SLITRK2: variants seen among roughly 807,000 people sequenced by gnomAD.
SLITRK2 encodes the protein SLIT and NTRK-like protein 2.
SLITRK2 carries 13 observed loss-of-function variants against 35.4 expected under a neutral mutation model. The ratio of observed to expected loss-of-function variants is 0.37; its 90% CI spans 0.24 to 0.58. The LOEUF is 0.58. Ranked by LOEUF, SLITRK2 falls within the 20% of genes least tolerant of loss-of-function variation. The pLI, the probability that SLITRK2 is intolerant of heterozygous loss-of-function variation, is 0.75. For missense variants in SLITRK2, 471 were observed against 634.3 expected, an observed-to-expected ratio of 0.74 and a Z score of 2.76; for synonymous variants, 294 against 264.7, an observed-to-expected ratio of 1.11 and a Z score of -1.07.
chrX:145,824,156 C>A lies in SLITRK2; in HGVS notation c.1731C>A (p.Ile577=), dbSNP rs2073075840. The A allele has an allele frequency of 2.5e-6, 3 of 1,207,399 alleles. No individual in the cohort carries two copies. The highest frequency in any genetic ancestry group is 3.4e-6 in the Non-Finnish European group (3 of 894,156). The change falls in exon 5 of 5, where the codon ATC becomes ATA. Residue 577 remains isoleucine (I), a synonymous_variant. Coordinates refer to ENST00000335565, the MANE Select transcript of SLITRK2 (RefSeq NM_032539.5). ...EILKFLGREA[I]CPDSPNLSDG... Reference sequence around the variant, plus strand: ...TAAAATTTCTGGGGAGGGAGGCTATCTGTCCAGACAGCCCAAACTTGTCAG... The same window carrying A: ...TAAAATTTCTGGGGAGGGAGGCTATATGTCCAGACAGCCCAAACTTGTCAG...
intron 1 of SLITRK2, chrX:145,818,441 G>A (rs1318064119): frequency 1.8e-5 from 2 of 113,321 alleles, no homozygotes; most frequent in Non-Finnish European, 3.7e-5. Flanking sequence ...GTAGGGCTGC[G>A]CTGGCGGCCG....
Position 145,825,136 on chromosome X carries a change from T to A in SLITRK2, c.*173T>A. 1 of 430,297 alleles carries A rather than the reference T, an allele frequency of 2.3e-6. No homozygotes were observed. Among genetic ancestry groups the A allele is most frequent in the Non-Finnish European group, 3.7e-6 (1 of 270,115 alleles). 35.5% of individuals were successfully genotyped at this position (430,297 alleles called of 1,213,427 possible). ...ATGATTTTGCTTTTGCAAGTTTTCC[T>A]TTAAATTATTTCTCTCTCGCTCTCC... On this transcript the variant is annotated 3_prime_UTR_variant, in exon 5 of 5. Coordinates refer to ENST00000335565, the MANE Select transcript of SLITRK2 (RefSeq NM_032539.5).
rs2124159622 is a variant in SLITRK2, at chrX:145,822,901, A to G, written c.476A>G (p.Lys159Arg). 8.3e-7 allele frequency: 1 copy of G among 1,211,365 alleles called. No homozygotes were observed. Among genetic ancestry groups the G allele is most frequent in the Non-Finnish European group, 1.1e-6 (1 of 895,440 alleles). ...IEAGAFSKLN[K>R]LKVLILNDNL... Reference sequence around the variant, plus strand: ...GCTGGGGCATTCAGCAAACTTAACAAGCTCAAAGTGCTCATCCTGAATGAC... The same window carrying G: ...GCTGGGGCATTCAGCAAACTTAACAGGCTCAAAGTGCTCATCCTGAATGAC... The change falls in exon 5 of 5, where the codon AAG becomes AGG. Residue 159 changes from lysine to arginine, a missense_variant. Coordinates refer to ENST00000335565, the MANE Select transcript of SLITRK2 (RefSeq NM_032539.5).
At position 145,827,729 on chromosome X, in the gene SLITRK2, C is replaced by T. The variant is rs1006338948; in HGVS notation, c.*2766C>T. The T allele has an allele frequency of 1.7e-6, 2 of 1,188,889 alleles. No homozygotes were observed. Among genetic ancestry groups the T allele is most frequent in the East Asian group, 5.9e-5 (2 of 33,664 alleles). On this transcript the variant is annotated 3_prime_UTR_variant, in exon 5 of 5. Transcript: ENST00000335565. ...ATCATCATACATCATATACTTTGAA[C>T]CTTTATTTTCTAATGCAATCATAAA...
rs2124192035 is a variant in SLITRK2, at chrX:145,824,081, C to T, written c.1656C>T (p.Ile552=). The T allele has an allele frequency of 8.3e-7, 1 of 1,211,008 alleles. No homozygotes were observed. Among genetic ancestry groups the T allele is most frequent in the Non-Finnish European group, 1.1e-6 (1 of 895,208 alleles). Residue 552 remains isoleucine (I), a synonymous_variant, in exon 5 of 5, where the codon ATC becomes ATT. Coordinates refer to ENST00000335565, the MANE Select transcript of SLITRK2 (RefSeq NM_032539.5). Reference sequence around the variant, plus strand: ...CAGAACATGCCAATTCCCCTGTCATCATTAATGAGGTGACTTGCGAATCTC... The same window carrying T: ...CAGAACATGCCAATTCCCCTGTCATTATTAATGAGGTGACTTGCGAATCTC... ...DWTEHANSPV[I]INEVTCESPA...
Position 145,825,906 on chromosome X carries a change from G to A in SLITRK2, c.*943G>A, listed in dbSNP as rs1556945788. 1 of 120,467 alleles carries A rather than the reference G, an allele frequency of 8.3e-6. No individual in the cohort carries two copies. The highest frequency in any genetic ancestry group is 3.3e-5 in the African/African-American group (1 of 30,725). 9.9% of individuals were successfully genotyped at this position (120,467 alleles called of 1,213,427 possible). ...TCATTATTTTACACTAACATGGTGA[G>A]TGTTTTAGATTATTTTCCTAATTAA... is the stretch of plus-strand genomic sequence containing the variant. On this transcript the variant is annotated 3_prime_UTR_variant, in exon 5 of 5. Transcript: ENST00000335565.
rs995504753 is a variant in SLITRK2, at chrX:145,822,216, C to T, written c.-44+63C>T. On this transcript the variant is annotated intron_variant, in intron 4 of 4. Transcript: ENST00000335565. ...GGCCTCGGGATGGGGGAATAGGGAGCGGAGAAAAGAAACCGCTTTGGAAAA... is the reference window on the plus strand; with the variant it reads ...GGCCTCGGGATGGGGGAATAGGGAGTGGAGAAAAGAAACCGCTTTGGAAAA... 61 of 400,065 alleles carry T rather than the reference C, an allele frequency of 1.5e-4. No individual in the cohort carries two copies. The South Asian group carries it at 1.6e-3, about 11-fold the overall frequency. The allele number at this position is 400,065 out of a possible 1,213,427, so 33.0% of individuals were successfully genotyped here. A position where few individuals can be genotyped will look rare whatever the true frequency, so the allele number is the denominator to read the frequency against.
rs2073149117 is a variant in SLITRK2 at position 145,828,844 on chromosome X, T to A, written c.*3881T>A. 8.1e-6 allele frequency: 1 copy of A among 122,851 alleles called. No homozygotes were observed. The highest frequency in any genetic ancestry group is 9.5e-5 in the Admixed American group (1 of 10,545). 10.1% of individuals were successfully genotyped at this position (122,851 alleles called of 1,213,427 possible). On this transcript the variant is annotated 3_prime_UTR_variant, in exon 5 of 5. Coordinates refer to ENST00000335565, the MANE Select transcript of SLITRK2 (RefSeq NM_032539.5). ...CAAAATAAGATAAAATAAAACAAAT[T>A]TAAACACCAAAATAAGATATAATAA... is the stretch of plus-strand genomic sequence containing the variant.
Position 145,829,168 on chromosome X carries a change from A to T in SLITRK2, c.*4205A>T, listed in dbSNP as rs2073151658. 8.1e-6 allele frequency: 1 copy of T among 123,755 alleles called. No homozygotes were observed. The highest frequency in any genetic ancestry group is 9.4e-5 in the Admixed American group (1 of 10,632). The allele number at this position is 123,755 out of a possible 1,213,427, so 10.2% of individuals were successfully genotyped here. On this transcript the variant is annotated 3_prime_UTR_variant, in exon 5 of 5. Coordinates refer to ENST00000335565, the MANE Select transcript of SLITRK2 (RefSeq NM_032539.5). ...TAGGTGTACTTTGCTTCTCACAATGATTGTGCAAAAAGTCACGTGTAAATT... is the reference window on the plus strand; with the variant it reads ...TAGGTGTACTTTGCTTCTCACAATGTTTGTGCAAAAAGTCACGTGTAAATT...
Position 145,824,664 on chromosome X carries a change from G to A in SLITRK2, c.2239G>A (p.Ala747Thr). ...TGCCACTGAGCTGCTAGAAAAGCAGGCCACACCAAGAGAGCCTGAGCTGCT... is the reference window on the plus strand; with the variant it reads ...TGCCACTGAGCTGCTAGAAAAGCAGACCACACCAAGAGAGCCTGAGCTGCT... Reference protein sequence around the residue: ...ISATELLEKQATPREPELLYQ... With the variant: ...ISATELLEKQTTPREPELLYQ... Residue 747 changes from alanine (A) to threonine (T), a missense_variant, in exon 5 of 5, where the codon GCC (alanine) becomes ACC (threonine). Ala to Thr is a moderately conservative substitution (Grantham distance 58, BLOSUM62 0). Coordinates refer to ENST00000335565, the MANE Select transcript of SLITRK2 (RefSeq NM_032539.5). 2 of 1,211,400 alleles carry A rather than the reference G, an allele frequency of 1.7e-6. No individual in the cohort carries two copies. The highest frequency in any genetic ancestry group is 1.1e-6 in the Non-Finnish European group (1 of 895,460).
rs2124180537 is a variant in SLITRK2, at chrX:145,823,652, C to T, written c.1227C>T (p.Asn409=). 1.7e-6 allele frequency: 2 copies of T among 1,211,407 alleles called. No homozygotes were observed. Among genetic ancestry groups the T allele is most frequent in the African/African-American group, 1.7e-5 (1 of 57,878 alleles). Reference sequence around the variant, plus strand: ...TGGACTTACTGCACTTAGGAAACAACAGGATTGCAGTCATTCAGGAAGGTG... The same window carrying T: ...TGGACTTACTGCACTTAGGAAACAATAGGATTGCAGTCATTCAGGAAGGTG... ...SSLDLLHLGN[N]RIAVIQEGAF... Residue 409 remains asparagine (N), a synonymous_variant, in exon 5 of 5, where the codon AAC becomes AAT. Transcript: ENST00000335565.
chrX:145,829,683 G>A lies in SLITRK2; in HGVS notation c.*4720G>A, dbSNP rs1056788702. 7.3e-4 allele frequency: 90 copies of A among 123,469 alleles called. No individual in the cohort carries two copies. Among genetic ancestry groups the A allele is most frequent in the Middle Eastern group, 4.6e-3 (1 of 217 alleles). The allele number at this position is 123,469 out of a possible 1,213,427, so 10.2% of individuals were successfully genotyped here. ...TAATAAATTATGTTATTATGTAAAC[G>A]AATTGCATGCATGTTGAAATTTTTT... On this transcript the variant is annotated 3_prime_UTR_variant, in exon 5 of 5. Coordinates refer to ENST00000335565, the MANE Select transcript of SLITRK2 (RefSeq NM_032539.5).
intron 1 of SLITRK2, chrX:145,818,612 C>A (rs1369232284): frequency 8.9e-6 from 1 of 112,655 alleles, no homozygotes; most frequent in African/African-American, 3.2e-5. Flanking sequence ...TCCTCTTAGC[C>A]CCCTCGTGGC....
At chrX:145,819,119 A>G (rs781809275) in intron 1 of SLITRK2, 1 of 110,640 alleles carries the variant, frequency 9.0e-6, no homozygotes, top group East Asian at 2.9e-4. Context: ...AACCACCTCC[A>G]CCTTTCTCTC....
At position 145,827,942 on chromosome X, in the gene SLITRK2, G is replaced by T. The variant is rs1556946198; in HGVS notation, c.*2979G>T. 2 of 1,210,503 alleles carry T rather than the reference G, an allele frequency of 1.7e-6. No homozygotes were observed. Among genetic ancestry groups the T allele is most frequent in the South Asian group, 1.8e-5 (1 of 56,590 alleles). On this transcript the variant is annotated 3_prime_UTR_variant, in exon 5 of 5. Transcript: ENST00000335565. ...GTATGAGCATCAGCACAGCAAAATG[G>T]TTCCAGCCTACAGAATGCAGTCTCC...
rs782076280 is a variant in SLITRK2 at position 145,827,926 on chromosome X, T to A, written c.*2963T>A. ...CATGCAGCTTTAAGACGTATGAGCA[T>A]CAGCACAGCAAAATGGTTCCAGCCT... On this transcript the variant is annotated 3_prime_UTR_variant, in exon 5 of 5. Coordinates refer to ENST00000335565, the MANE Select transcript of SLITRK2 (RefSeq NM_032539.5). The A allele has an allele frequency of 3.3e-6, 4 of 1,211,695 alleles. No individual in the cohort carries two copies. The highest frequency in any genetic ancestry group is 3.4e-6 in the Non-Finnish European group (3 of 895,447).
Position 145,828,849 on chromosome X carries a change from C to T in SLITRK2, c.*3886C>T, listed in dbSNP as rs1259142716. ...TAAGATAAAATAAAACAAATTTAAA[C>T]ACCAAAATAAGATATAATAAAACAT... On this transcript the variant is annotated 3_prime_UTR_variant, in exon 5 of 5. Transcript: ENST00000335565. 8.1e-6 allele frequency: 1 copy of T among 122,786 alleles called. No individual in the cohort carries two copies. The highest frequency in any genetic ancestry group is 1.9e-5 in the Non-Finnish European group (1 of 53,041). The allele number at this position is 122,786 out of a possible 1,213,427, so 10.1% of individuals were successfully genotyped here.
rs2073104991 is a variant in SLITRK2 at position 145,825,169 on chromosome X, C to CA, written c.*206_*207insA. ...ATTTCTCTCTCGCTCTCCTCCCCTC[C>CA]TTTTTTTTTTTTTTTTTTTTTTCTT... is the stretch of plus-strand genomic sequence containing the variant. On this transcript the variant is annotated 3_prime_UTR_variant, in exon 5 of 5. Transcript: ENST00000335565. The CA allele has an allele frequency of 4.6e-6, 1 of 219,049 alleles. No homozygotes were observed. 18.1% of individuals were successfully genotyped at this position (219,049 alleles called of 1,213,427 possible). A position where few individuals can be genotyped will look rare whatever the true frequency, so the allele number is the denominator to read the frequency against.
At position 145,829,185 on chromosome X, in the gene SLITRK2, G is replaced by A. The variant is rs566946426; in HGVS notation, c.*4222G>A. ...TCACAATGATTGTGCAAAAAGTCAC[G>A]TGTAAATTGAACTTTTGTAAATCAA... On this transcript the variant is annotated 3_prime_UTR_variant, in exon 5 of 5. Coordinates refer to ENST00000335565, the MANE Select transcript of SLITRK2 (RefSeq NM_032539.5). 11 of 123,801 alleles carry A rather than the reference G, an allele frequency of 8.9e-5. No individual in the cohort carries two copies. Among genetic ancestry groups the A allele is most frequent in the East Asian group, 2.8e-4 (1 of 3,615 alleles). The allele number at this position is 123,801 out of a possible 1,213,427, so 10.2% of individuals were successfully genotyped here. A position where few individuals can be genotyped will look rare whatever the true frequency, so the allele number is the denominator to read the frequency against.
Sources: gnomAD v4.1 joint callset for allele counts on GRCh38, gnomAD v4.1.1 for gene constraint, MANE v1.5 for transcripts, NCBI Gene and HGNC (gene_info 2026-07-23, HGNC 2026-07-21) for gene names.